CC2D2A: variants seen among roughly 807,000 people sequenced by gnomAD.
CC2D2A encodes coiled-coil and C2 domain containing 2A.
Under a neutral mutation model 212.9 loss-of-function variants are expected in CC2D2A, and 155 were observed. The observed-to-expected ratio is 0.73, with a 90% CI of 0.64 to 0.83. CC2D2A has a LOEUF of 0.83. Ranked by LOEUF, CC2D2A falls within the 40% of genes least tolerant of loss-of-function variation. The pLI, the probability that CC2D2A is intolerant of heterozygous loss-of-function variation, is 0.00. For synonymous variants in CC2D2A, 667 were observed against 686.5 expected, an observed-to-expected ratio of 0.97 and a Z score of 0.44; for missense variants, 1,856 against 1,956.2, an observed-to-expected ratio of 0.95 and a Z score of 0.97.
intron 30 of CC2D2A, among the ~76,000 whole-genome samples, chr4:15,581,239 A>T (rs1429922594): frequency 6.6e-6 from 1 of 152,214 alleles, no homozygotes; most frequent in Admixed American, 6.5e-5. Context: ...TATATTACAC[A>T]ATTTTTATAG....
chr4:15,493,968 G>C (rs999063996), intron 4 of CC2D2A, among the ~76,000 whole-genome samples: 3 of 152,220 alleles, frequency 2.0e-5, no homozygotes, highest in African/African-American at 7.2e-5. Context: ...AATTCATGAA[G>C]CTCGTTCTGA....
chr4:15,589,416 T>G, intron 32 of CC2D2A, 129 bp from the exon 33 acceptor site: 1 of 886,908 alleles, frequency 1.1e-6, no homozygotes, highest in East Asian at 2.6e-5. Context: ...TCAAAGTAGT[T>G]TTCACCATTA....
chr4:15,485,300 T>C (rs1388147040), intron 4 of CC2D2A, among the ~76,000 whole-genome samples: 1 of 152,250 alleles, frequency 6.6e-6, no homozygotes, highest in Non-Finnish European at 1.5e-5. Flanking sequence ...TGTTGCAAAC[T>C]GCAAAATTTC....
At chr4:15,578,586 T>A (rs1047855771) in intron 29 of CC2D2A, among the ~76,000 whole-genome samples, 12 of 152,184 alleles carry the variant, frequency 7.9e-5, no homozygotes, top group Non-Finnish European at 1.8e-4. Context: ...TATATCACAA[T>A]GTCAAAAACA....
intron 11 of CC2D2A, chr4:15,519,515 C>T (rs1717086394): frequency 2.2e-6 from 1 of 449,788 alleles, no homozygotes. Flanking sequence ...TAGTACTGCA[C>T]TTCTGGTACC....
intron 4 of CC2D2A, among the ~76,000 whole-genome samples, chr4:15,498,348 C>A (rs1279675423): frequency 6.6e-6 from 1 of 152,180 alleles, no homozygotes; most frequent in Non-Finnish European, 1.5e-5. Flanking sequence ...TTCTTGCATG[C>A]CCTCAAATCA....
At chr4:15,491,311 T>C (rs1411082654) in intron 4 of CC2D2A, among the ~76,000 whole-genome samples, 2 of 152,234 alleles carry the variant, frequency 1.3e-5, no homozygotes, top group Admixed American at 6.5e-5. Flanking sequence ...TGGTGTCTTA[T>C]GCTTTTAACT....
intron 29 of CC2D2A, among the ~76,000 whole-genome samples, chr4:15,576,824 CTGTT>C (rs1233613881): frequency 6.6e-6 from 1 of 152,182 alleles, no homozygotes; most frequent in Non-Finnish European, 1.5e-5. Context: ...ACCAGAAAGA[CTGTT>C]AGTTAGCTTT....
chr4:15,536,354 T>C (rs148938785), intron 14 of CC2D2A, among the ~76,000 whole-genome samples: 7,644 of 152,114 alleles, frequency 0.05, 549 homozygotes, highest in East Asian at 0.22. Context: ...AAATACCTAA[T>C]GTAGATGATG....
At chr4:15,517,284 G>A (rs915529743) in intron 11 of CC2D2A, among the ~76,000 whole-genome samples, 2 of 152,106 alleles carry the variant, frequency 1.3e-5, no homozygotes, top group Non-Finnish European at 2.9e-5. Context: ...GAGTTTCCTA[G>A]CTAGGAATGA....
At chr4:15,507,001 G>A (rs917446883) in intron 6 of CC2D2A, among the ~76,000 whole-genome samples, 3 of 150,974 alleles carry the variant, frequency 2.0e-5, no homozygotes, top group South Asian at 2.1e-4. Flanking sequence ...TCTCGTGAAC[G>A]CGGGAGGCAG....
chr4:15,575,740 A>G (rs902276859), intron 29 of CC2D2A, among the ~76,000 whole-genome samples: 6 of 152,234 alleles, frequency 3.9e-5, no homozygotes, highest in Admixed American at 3.3e-4. Context: ...AAGGGAAAAT[A>G]TATTCTGAAT....
At chr4:15,520,010 A>C (rs1717114730) in intron 11 of CC2D2A, among the ~76,000 whole-genome samples, 1 of 152,202 alleles carries the variant, frequency 6.6e-6, no homozygotes, top group South Asian at 2.1e-4. Context: ...TTTGTCTATA[A>C]AGAGGAATGA....
intron 6 of CC2D2A, among the ~76,000 whole-genome samples, chr4:15,508,546 T>C (rs1476864031): frequency 6.6e-6 from 1 of 152,240 alleles, no homozygotes; most frequent in East Asian, 1.9e-4. Flanking sequence ...TGGCCTAAGT[T>C]GTAAGTGGTA....
In CC2D2A at chr4:15,574,300, G is replaced by C. The variant is rs1225731970; in HGVS notation, c.3745G>C (p.Val1249Leu). 6.4e-7 allele frequency: 1 copy of C among 1,550,444 alleles called. No individual in the cohort carries two copies. Among genetic ancestry groups the C allele is most frequent in the East Asian group, 2.4e-5 (1 of 40,896 alleles). ...CTTTATTACCATTGAGCCCCAGCTG[G>C]TTCCTGGAGAGTCCATTCGAGAAAA... Reference protein sequence around the residue: ...TLFITIEPQLVPGESIREKFE... With the variant: ...TLFITIEPQLLPGESIREKFE... Residue 1249 changes from valine (V) to leucine (L), a missense_variant, in exon 29 of 37, where the codon GTT becomes CTT. By Grantham distance (32) the Val-to-Leu change is conservative. This residue lies in a region of CC2D2A where 1,512 missense variants were observed against 1,579.3 expected (regional missense o/e 0.96). Transcript: ENST00000424120.
At chr4:15,567,349 A>T in intron 24 of CC2D2A, 28 bp from the exon 25 acceptor site, 2 of 1,484,602 alleles carry the variant, frequency 1.3e-6, no homozygotes, top group South Asian at 1.1e-5. Context: ...CTCTATCATT[A>T]ATTTCCTTCA....
At chr4:15,493,852 A>G (rs1446402448) in intron 4 of CC2D2A, among the ~76,000 whole-genome samples, 1 of 152,236 alleles carries the variant, frequency 6.6e-6, no homozygotes, top group Non-Finnish European at 1.5e-5. Context: ...GTAATCCAGC[A>G]TTGCCAAAAC....
chr4:15,578,940 C>G (rs1186695294), intron 29 of CC2D2A, among the ~76,000 whole-genome samples: 3 of 151,930 alleles, frequency 2.0e-5, no homozygotes, highest in Non-Finnish European at 4.4e-5. Context: ...CTGTGCCCAG[C>G]CCCCAAAATT....
At chr4:15,575,979 C>T (rs902141582) in intron 29 of CC2D2A, among the ~76,000 whole-genome samples, 7 of 152,198 alleles carry the variant, frequency 4.6e-5, no homozygotes, top group African/African-American at 9.7e-5. Flanking sequence ...GCATCCCTCA[C>T]GGGCCCTGAC....
Sources: allele counts gnomAD v4.1 joint callset (sites outside exome capture counted in the v4.1 genomes callset), GRCh38; gene constraint gnomAD v4.1.1; regional missense constraint gnomAD v4.1.1; transcripts MANE v1.5; gene names NCBI Gene and HGNC (gene_info 2026-07-23, HGNC 2026-07-21).